The following BMERB1 variants were observed in gnomAD, a reference collection of about 807,000 sequenced individuals.
The protein encoded by BMERB1 is bMERB domain containing 1.
BMERB1 carries 12 observed loss-of-function variants against 23.6 expected under a neutral mutation model. The ratio of observed to expected loss-of-function variants is 0.51; its 90% confidence interval spans 0.33 to 0.82. BMERB1 has a LOEUF of 0.82. Among genes scored for constraint, BMERB1 ranks in the 40% least tolerant of loss-of-function variants. BMERB1 has a pLI of 0.03. For synonymous variants in BMERB1, 122 were observed against 96.6 expected (o/e 1.26, Z -1.54); for missense variants, 247 against 255.4 (o/e 0.97, Z 0.22).
In BMERB1 at chr16:15,434,670, C is replaced by A. The variant is rs139998961; in HGVS notation, c.17C>A (p.Ser6Tyr). 1.3e-5 allele frequency: 21 copies of A among 1,613,900 alleles called. No homozygotes were observed. In the African/African-American group the frequency reaches 2.5e-4, roughly 19 times the overall value. ...GGATCAGCGATGGAATTAAAGCAAT[C>A]TTTGTCCACCCATCTGGAAGCCGAG... The part of the protein sequence containing the change: MELKQ[S>Y]LSTHLEAEKP... Residue 6 changes from serine to tyrosine, a missense_variant, in exon 1 of 6, where the codon TCT (serine) becomes TAT (tyrosine). Physicochemically the swap from Ser to Tyr is moderately radical, Grantham distance 144 (BLOSUM62 -2). Coordinates refer to ENST00000300006, the MANE Select transcript of BMERB1 (RefSeq NM_033201.3).
intron 1 of BMERB1, among the ~76,000 whole-genome samples, chr16:15,481,829 A>G (rs1440872136): frequency 6.7e-6 from 1 of 150,030 alleles, no homozygotes; most frequent in African/African-American, 2.5e-5. Flanking sequence ...GGTTCAAGCA[A>G]CTCTCCTACC....
chr16:15,446,626 G>C (rs917900841), intron 1 of BMERB1, among the ~76,000 whole-genome samples: 2 of 152,190 alleles, frequency 1.3e-5, no homozygotes, highest in African/African-American at 2.4e-5. Flanking sequence ...GTAGGGCTGA[G>C]ATTTGAACCT....
At chr16:15,571,247 C>T (rs1187989399) in intron 3 of BMERB1, among the ~76,000 whole-genome samples, 1 of 152,090 alleles carries the variant, frequency 6.6e-6, no homozygotes, top group East Asian at 1.9e-4. Flanking sequence ...CAAGCGAGGT[C>T]AGGGGGGTGT....
chr16:15,547,343 CT>C (rs749191533), intron 2 of BMERB1, among the ~76,000 whole-genome samples: 4,163 of 133,780 alleles, frequency 0.031, 76 homozygotes, highest in Middle Eastern at 0.058. Flanking sequence ...TTTTCTTCTT[CT>C]TTTTTTTTTT....
intron 2 of BMERB1, among the ~76,000 whole-genome samples, chr16:15,530,806 C>T (rs80007751): frequency 0.076 from 11,580 of 152,110 alleles, 641 homozygotes; most frequent in Non-Finnish European, 0.11. Flanking sequence ...TCTCTCCTGC[C>T]GCCTGGTGAA....
chr16:15,481,510 G>C (rs546676776), intron 1 of BMERB1, among the ~76,000 whole-genome samples: 3 of 151,974 alleles, frequency 2.0e-5, no homozygotes, highest in African/African-American at 7.2e-5. Context: ...CTGGGCGACA[G>C]AGTAAGACTC....
chr16:15,466,027 C>T (rs1598453990), intron 1 of BMERB1, among the ~76,000 whole-genome samples: 2 of 151,970 alleles, frequency 1.3e-5, no homozygotes, highest in Admixed American at 6.6e-5. Context: ...TCAGTATTAC[C>T]AGACATTGCT....
Position 15,581,222 on chromosome 16 carries a change from GA to G in BMERB1, c.316del (p.Thr106ProfsTer11). 6.2e-7 allele frequency: 1 copy of G among 1,610,372 alleles called. No individual in the cohort carries two copies. Among genetic ancestry groups the G allele is most frequent in the Non-Finnish European group, 8.5e-7 (1 of 1,178,374 alleles). ...TGTTGATGTCTTCTTTCCAGAAAAA[GA>G]AAAAACCAAACTGCAGAAGCAGAGA... Reference protein sequence around the residue: ...LQNLVAIPEKEKTKLQKQRED... With the variant: ...LQNLVAIPEKXKTKLQKQRED... On this transcript the variant is annotated frameshift_variant, in exon 4 of 6. Coordinates refer to ENST00000300006, the MANE Select transcript of BMERB1 (RefSeq NM_033201.3). LOFTEE classifies it high-confidence loss of function.
intron 2 of BMERB1, among the ~76,000 whole-genome samples, chr16:15,548,144 C>T (rs143503961): frequency 6.6e-6 from 1 of 152,144 alleles, no homozygotes; most frequent in African/African-American, 2.4e-5. Context: ...ACCACCATGC[C>T]TGGCTAATTT....
At chr16:15,551,177 C>T (rs2030081507) in intron 2 of BMERB1, among the ~76,000 whole-genome samples, 1 of 152,220 alleles carries the variant, frequency 6.6e-6, no homozygotes, top group East Asian at 1.9e-4. Flanking sequence ...CGATTGCCCT[C>T]GTGGTGTCTA....
At chr16:15,557,122 G>A (rs768286881) in intron 2 of BMERB1, among the ~76,000 whole-genome samples, 5 of 152,002 alleles carry the variant, frequency 3.3e-5, no homozygotes, top group Non-Finnish European at 7.4e-5. Flanking sequence ...ATTCCAGCAG[G>A]GCCTGATCAC....
intron 2 of BMERB1, among the ~76,000 whole-genome samples, chr16:15,543,790 C>T (rs1162152575): frequency 6.6e-6 from 1 of 152,074 alleles, no homozygotes; most frequent in Non-Finnish European, 1.5e-5. Flanking sequence ...CACTGCATGC[C>T]AGCCTGGACC....
At chr16:15,572,731 T>A (rs934811929) in intron 3 of BMERB1, among the ~76,000 whole-genome samples, 1 of 152,206 alleles carries the variant, frequency 6.6e-6, no homozygotes, top group Non-Finnish European at 1.5e-5. Context: ...CAACTTGTGA[T>A]ATGGTTTGGC....
chr16:15,434,765 T>C lies in BMERB1; in HGVS notation c.106+6T>C. The C allele has an allele frequency of 2.8e-6, 1 of 363,372 alleles. No individual in the cohort carries two copies. Among genetic ancestry groups the C allele is most frequent in the Non-Finnish European group, 5.4e-6 (1 of 186,186 alleles). The allele number at this position is 363,372 out of a possible 1,614,324, so 22.5% of individuals were successfully genotyped here. ...AACGGAGAGACTGGGGAGAAGTGAG[T>C]ACTGGGGCGGGGGGCGGGGGGCCGG... On this transcript the variant is annotated splice_donor_region_variant and intron_variant, in intron 1 of 5. Coordinates refer to ENST00000300006, the MANE Select transcript of BMERB1 (RefSeq NM_033201.3).
At chr16:15,512,227 C>G (rs1216001231) in intron 1 of BMERB1, among the ~76,000 whole-genome samples, 2 of 152,112 alleles carry the variant, frequency 1.3e-5, no homozygotes, top group Non-Finnish European at 2.9e-5. Context: ...CTCCAATTTA[C>G]TGAGAATCCA....
Position 15,513,142 on chromosome 16 carries a change from C to T in BMERB1, c.107-2163C>T, listed in dbSNP as rs567198923. Among the ~76,000 whole-genome samples the T allele has an allele frequency of 7.9e-5, 12 of 152,264 alleles. No homozygotes were observed. In the South Asian group the frequency reaches 8.3e-4, roughly 11 times the overall value. Reference sequence around the variant, plus strand: ...ATCAAAGGCCTTGAATAGCACATCACTTATATCTCAGCCATTCACCCTAGA... The same window carrying T: ...ATCAAAGGCCTTGAATAGCACATCATTTATATCTCAGCCATTCACCCTAGA... On this transcript the variant is annotated intron_variant, in intron 1 of 5. Transcript: ENST00000300006.
At chr16:15,449,696 C>A (rs896165319) in intron 1 of BMERB1, among the ~76,000 whole-genome samples, 1 of 151,950 alleles carries the variant, frequency 6.6e-6, no homozygotes, top group Non-Finnish European at 1.5e-5. Flanking sequence ...CAGGTGCACA[C>A]CAACACACCT....
chr16:15,486,564 C>T (rs1175343755), intron 1 of BMERB1, among the ~76,000 whole-genome samples: 1 of 152,126 alleles, frequency 6.6e-6, no homozygotes, highest in Non-Finnish European at 1.5e-5. Context: ...CAGATGTTGA[C>T]ACCTGATCCA....
chr16:15,574,817 C>G lies in BMERB1; in HGVS notation c.305-6400C>G, dbSNP rs559379869. The stretch of plus-strand genomic sequence containing the variant: ...TCAAGGCCAGGTGCAGTGGCTCACG[C>G]GTATAATCCCAGCACCCTGGGAGGC... On this transcript the variant is annotated intron_variant, in intron 3 of 5. Coordinates refer to ENST00000300006, the MANE Select transcript of BMERB1 (RefSeq NM_033201.3). 7.9e-5 allele frequency among the ~76,000 whole-genome samples: 12 copies of G among 152,194 alleles called. No homozygotes were observed. In the South Asian group the frequency reaches 2.5e-3, roughly 32 times the overall value.
Sources: allele counts gnomAD v4.1 joint callset (sites outside exome capture counted in the v4.1 genomes callset), GRCh38; gene constraint gnomAD v4.1.1; transcripts MANE v1.5; gene names NCBI Gene and HGNC (gene_info 2026-07-23, HGNC 2026-07-21).